The following NHSL3 variants were observed in gnomAD, a reference collection of about 807,000 sequenced individuals.
The protein encoded by NHSL3 is NHS-like protein 3.
At chr1:32,771,209 C>T in the NHSL3 span, 18 of 1,612,600 alleles carry the variant, frequency 1.1e-5, no homozygotes, top group African/African-American at 9.4e-5. Context: ...CCCTCCAAGC[C>T]CAGGAGCCCT....
chr1:32,769,240 T>A, the NHSL3 span, among the ~76,000 whole-genome samples: 1 of 151,340 alleles, frequency 6.6e-6, no homozygotes. Context: ...GTCGACAGTG[T>A]GAGACTCCAT....
the NHSL3 span, chr1:32,765,487 TCTA>T: frequency 1.6e-6 from 1 of 612,466 alleles, no homozygotes. Flanking sequence ...CTAATCATAC[TCTA>T]CTGGAGCAGA....
the NHSL3 span, chr1:32,769,763 C>A: frequency 1.9e-6 from 3 of 1,613,890 alleles, no homozygotes; most frequent in Non-Finnish European, 1.7e-6. Flanking sequence ...CTGGGACTCC[C>A]GCAGCATGTG....
chr1:32,769,860 C>G, the NHSL3 span: 1 of 1,611,428 alleles, frequency 6.2e-7, no homozygotes, highest in Non-Finnish European at 8.5e-7. Context: ...CTGACCCCAC[C>G]TCCTCCCTGT....
chr1:32,742,737 C>T, the NHSL3 span, among the ~76,000 whole-genome samples: 6 of 152,242 alleles, frequency 3.9e-5, no homozygotes, highest in South Asian at 2.1e-4. Flanking sequence ...TCCCACCTGG[C>T]CTCCCTCAAC....
the NHSL3 span, chr1:32,742,140 G>T: frequency 8.0e-7 from 1 of 1,244,228 alleles, no homozygotes; most frequent in Non-Finnish European, 1.0e-6. Flanking sequence ...CCGCCCCCCG[G>T]GCCAAGAAGG....
chr1:32,752,944 C>CAT, the NHSL3 span, among the ~76,000 whole-genome samples: 75 of 25,534 alleles, frequency 2.9e-3, 2 homozygotes, highest in African/African-American at 7.1e-3. Flanking sequence ...CACACACACA[C>CAT]ACACACATAT....
chr1:32,764,839 C>T, the NHSL3 span, among the ~76,000 whole-genome samples: 1 of 152,186 alleles, frequency 6.6e-6, no homozygotes, highest in Non-Finnish European at 1.5e-5. Flanking sequence ...GGATTTGAAC[C>T]TCGACCTGAC....
At chr1:32,774,706 A>C in the NHSL3 span, 1 of 152,524 alleles carries the variant, frequency 6.6e-6, no homozygotes, top group African/African-American at 2.4e-5. Context: ...CAGAGGACAA[A>C]GGAGAAGGGA....
the NHSL3 span, chr1:32,768,655 T>C: frequency 6.2e-7 from 1 of 1,614,068 alleles, no homozygotes; most frequent in Non-Finnish European, 8.5e-7. Flanking sequence ...CTGATAGTCC[T>C]CCCGGACGGG....
chr1:32,763,908 G>A, the NHSL3 span, among the ~76,000 whole-genome samples: 4 of 151,580 alleles, frequency 2.6e-5, no homozygotes, highest in Non-Finnish European at 4.4e-5. Context: ...TCACTCAGGC[G>A]GGAGTGCAGT....
At chr1:32,770,043 A>G in the NHSL3 span, 10 of 1,581,626 alleles carry the variant, frequency 6.3e-6, no homozygotes, top group Admixed American at 1.8e-4. This position sits in a 1 kb window ranked among gnomAD's most constrained non-coding sequence, Gnocchi z 8.3. Flanking sequence ...GCGCTGAGAC[A>G]GAGGCCATGC....
the NHSL3 span, among the ~76,000 whole-genome samples, chr1:32,766,831 A>G: frequency 6.6e-6 from 1 of 152,162 alleles, no homozygotes; most frequent in South Asian, 2.1e-4. Context: ...TTAGATGGCC[A>G]GCCCCTCCAC....
chr1:32,774,826 G>GTA, the NHSL3 span: 29 of 152,478 alleles, frequency 1.9e-4, no homozygotes, highest in East Asian at 2.9e-3. Context: ...AATGTTAGAA[G>GTA]TATATATATA....
chr1:32,767,895 C>G, the NHSL3 span: 1 of 1,614,046 alleles, frequency 6.2e-7, no homozygotes, highest in Non-Finnish European at 8.5e-7. Flanking sequence ...AGTGGGCGAC[C>G]CCCCCACCTG....
chr1:32,752,901 GCACACACACACA>G, the NHSL3 span, among the ~76,000 whole-genome samples: 14 of 71,620 alleles, frequency 2.0e-4, no homozygotes, highest in South Asian at 6.3e-4. Flanking sequence ...AAAAAAACAT[GCACACACACACA>G]CACACACACA....
chr1:32,749,632 A>C, the NHSL3 span, among the ~76,000 whole-genome samples: 1 of 152,154 alleles, frequency 6.6e-6, no homozygotes, highest in Non-Finnish European at 1.5e-5. Flanking sequence ...TCAGACTTCA[A>C]ATGGAAAATC....
the NHSL3 span, among the ~76,000 whole-genome samples, chr1:32,750,991 A>G: frequency 7.3e-4 from 111 of 151,166 alleles, no homozygotes; most frequent in African/African-American, 2.5e-3. Context: ...TTGTATTTTT[A>G]GTAGACACGG....
the NHSL3 span, among the ~76,000 whole-genome samples, chr1:32,756,375 T>A: frequency 1.4e-5 from 2 of 147,666 alleles, no homozygotes; most frequent in African/African-American, 5.0e-5. Flanking sequence ...TCAGGCGAGG[T>A]GGTTTATGCC....
Sources: allele counts gnomAD v4.1 joint callset (sites outside exome capture counted in the v4.1 genomes callset), GRCh38; gene constraint gnomAD v4.1.1; non-coding constraint Gnocchi (gnomAD v3.1); transcripts MANE v1.5; gene names NCBI Gene and HGNC (gene_info 2026-07-23, HGNC 2026-07-21).